Variants in PTPRN2 observed in about 807,000 individuals in gnomAD.
PTPRN2 encodes receptor-type tyrosine-protein phosphatase N2.
In PTPRN2, 74 loss-of-function variants were observed where a neutral mutation model predicts 118.8. The ratio of observed to expected loss-of-function variants is 0.62; its 90% CI spans 0.52 to 0.76. PTPRN2 has a LOEUF of 0.76. Among genes scored for constraint, PTPRN2 ranks in the 30% least tolerant of loss-of-function variants. The pLI is 0.00. For synonymous variants in PTPRN2, 641 were observed against 608.0 expected (o/e 1.05, Z -0.80); for missense variants, 1,481 against 1,394.4 (o/e 1.06, Z -0.99).
intron 3 of PTPRN2, among the ~76,000 whole-genome samples, chr7:158,312,212 A>ACCAACACACG (rs1801842818): frequency 6.9e-6 from 1 of 145,582 alleles, no homozygotes; most frequent in South Asian, 2.2e-4. Flanking sequence ...ATGCACACAC[A>ACCAACACACG]CGTGCTCACA....
intron 2 of PTPRN2, among the ~76,000 whole-genome samples, chr7:158,363,330 A>G (rs1222782602): frequency 6.6e-6 from 1 of 152,048 alleles, no homozygotes; most frequent in Non-Finnish European, 1.5e-5. Flanking sequence ...CTATGGGAGG[A>G]TGCTCGGTTG....
chr7:157,990,748 G>A lies in PTPRN2; in HGVS notation c.1723+90550C>T, dbSNP rs895707965. On this transcript the variant is annotated intron_variant, in intron 11 of 22. Transcript: ENST00000389418. This position sits in a 1 kb window ranked among gnomAD's most constrained non-coding sequence, Gnocchi z 4.3. ...CCTGGGGCACAAAGCACGTGGACTA[G>A]GACACTGGAATGTCACCGAGCTTCC... is the stretch of plus-strand genomic sequence containing the variant. 1.3e-5 allele frequency among the ~76,000 whole-genome samples: 2 copies of A among 152,182 alleles called. No homozygotes were observed. The highest frequency in any genetic ancestry group is 2.9e-5 in the Non-Finnish European group (2 of 68,028).
intron 2 of PTPRN2, among the ~76,000 whole-genome samples, chr7:158,385,582 T>C (rs1455573349): frequency 6.6e-6 from 1 of 152,210 alleles, no homozygotes; most frequent in Non-Finnish European, 1.5e-5. Flanking sequence ...ACATTAATGA[T>C]AATAATGCCT....
Position 158,570,241 on chromosome 7 carries a change from G to A in PTPRN2, c.112+17317C>T, listed in dbSNP as rs1364757191. The stretch of plus-strand genomic sequence containing the variant: ...GTGTCCTTCTGGAGGCCGCTCCTTG[G>A]CCATGGGCCCTCGGTCCTCGCCCTG... On this transcript the variant is annotated intron_variant, in intron 1 of 22. Transcript: ENST00000389418. This position sits in a 1 kb window ranked among gnomAD's most constrained non-coding sequence, Gnocchi z 4.5. Among the ~76,000 whole-genome samples the A allele has an allele frequency of 6.6e-6, 1 of 152,222 alleles. No homozygotes were observed. Among genetic ancestry groups the A allele is most frequent in the Non-Finnish European group, 1.5e-5 (1 of 68,044 alleles).
intron 6 of PTPRN2, among the ~76,000 whole-genome samples, chr7:158,160,562 C>A (rs894680299): frequency 6.6e-6 from 1 of 152,166 alleles, no homozygotes; most frequent in Non-Finnish European, 1.5e-5. Flanking sequence ...TCTGCATTTG[C>A]GAAAGATACA....
chr7:157,571,534 A>G (rs773545666), intron 19 of PTPRN2, 41 bp from the exon 20 acceptor site: 7 of 1,475,444 alleles, frequency 4.7e-6, no homozygotes, highest in Non-Finnish European at 6.5e-6. Flanking sequence ...TTGTGTACTA[A>G]GACTTTGCGT....
intron 6 of PTPRN2, among the ~76,000 whole-genome samples, chr7:158,144,395 T>C (rs534166333): frequency 1.2e-3 from 190 of 152,224 alleles, no homozygotes; most frequent in African/African-American, 4.4e-3. Flanking sequence ...CCCAGCACTT[T>C]GGGAGGCCAA....
At chr7:157,966,885 T>C (rs1176589702) in intron 11 of PTPRN2, among the ~76,000 whole-genome samples, 6 of 152,118 alleles carry the variant, frequency 3.9e-5, no homozygotes, top group African/African-American at 1.4e-4. Flanking sequence ...GTCATCACCA[T>C]CATCATCACC....
intron 2 of PTPRN2, among the ~76,000 whole-genome samples, chr7:158,475,465 CT>C (rs565292218): frequency 4.6e-4 from 70 of 152,240 alleles, no homozygotes; most frequent in African/African-American, 1.6e-3. Flanking sequence ...CGCTTCGCCC[CT>C]GCTTAACAAG....
chr7:157,870,149 G>A (rs1224753674), intron 12 of PTPRN2, among the ~76,000 whole-genome samples: 2 of 152,118 alleles, frequency 1.3e-5, no homozygotes, highest in African/African-American at 4.8e-5. Context: ...AATGGTTTTG[G>A]AACCCATGGA....
intron 12 of PTPRN2, among the ~76,000 whole-genome samples, chr7:157,730,553 C>A (rs963482709): frequency 1.1e-4 from 17 of 152,316 alleles, no homozygotes; most frequent in African/African-American, 4.1e-4. Context: ...GGGCCATTTC[C>A]CCCTCCATCT....
At chr7:157,732,896 G>A (rs1251663053) in intron 12 of PTPRN2, among the ~76,000 whole-genome samples, 1 of 11,364 alleles carries the variant, frequency 8.8e-5, no homozygotes. Context: ...ACTCTTTCCC[G>A]TCCCATGCGC....
chr7:158,442,506 T>C (rs1460253928), intron 2 of PTPRN2, among the ~76,000 whole-genome samples: 1 of 152,082 alleles, frequency 6.6e-6, no homozygotes, highest in African/African-American at 2.4e-5. Context: ...TATTCAACAG[T>C]GGAAGCCCAC....
intron 12 of PTPRN2, among the ~76,000 whole-genome samples, chr7:157,873,084 G>A (rs779660699): frequency 1.7e-4 from 26 of 152,332 alleles, no homozygotes; most frequent in East Asian, 7.7e-4. Flanking sequence ...TCCCTCACCC[G>A]AGCCCTGTCT....
In PTPRN2 at chr7:158,565,602, C is replaced by T. The variant is rs150583482; in HGVS notation, c.112+21956G>A. 6.6e-5 allele frequency among the ~76,000 whole-genome samples: 10 copies of T among 152,324 alleles called. No homozygotes were observed. The highest frequency in any genetic ancestry group is 2.1e-4 in the South Asian group (1 of 4,824). On this transcript the variant is annotated intron_variant, in intron 1 of 22. Coordinates refer to ENST00000389418, the MANE Select transcript of PTPRN2 (RefSeq NM_002847.5). The surrounding 1 kb of genome is among the most constrained non-coding windows in gnomAD (Gnocchi z 4.6). ...GCAGGCTTCAACAACTGTCAAAGCA[C>T]GGGAAAATCCCCAGGAAGAAAGTAA...
intron 10 of PTPRN2, among the ~76,000 whole-genome samples, chr7:158,103,282 G>A (rs1041697648): frequency 1.6e-4 from 24 of 152,218 alleles, no homozygotes; most frequent in African/African-American, 3.6e-4. Flanking sequence ...GGCCTGGGAT[G>A]GAATCCTTCG....
chr7:158,034,730 C>G (rs757255928), intron 11 of PTPRN2, among the ~76,000 whole-genome samples: 3 of 152,184 alleles, frequency 2.0e-5, no homozygotes, highest in Non-Finnish European at 4.4e-5. Context: ...CACCCTGAGT[C>G]CAGCACCTCA....
intron 12 of PTPRN2, among the ~76,000 whole-genome samples, chr7:157,687,683 C>T (rs1797265539): frequency 6.6e-6 from 1 of 152,068 alleles, no homozygotes; most frequent in Non-Finnish European, 1.5e-5. Context: ...TGGATGAATC[C>T]TCTTAGAATT....
chr7:157,687,942 C>T (rs1396540508), intron 12 of PTPRN2, among the ~76,000 whole-genome samples: 1 of 152,172 alleles, frequency 6.6e-6, no homozygotes, highest in Non-Finnish European at 1.5e-5. Context: ...TGTATTAATT[C>T]TCTGCATTAC....
Sources: allele counts gnomAD v4.1 joint callset (sites outside exome capture counted in the v4.1 genomes callset), GRCh38; gene constraint gnomAD v4.1.1; non-coding constraint Gnocchi (gnomAD v3.1); transcripts MANE v1.5; gene names NCBI Gene and HGNC (gene_info 2026-07-23, HGNC 2026-07-21).